UST: variants seen among roughly 807,000 people sequenced by gnomAD.
UST encodes uronyl 2-sulfotransferase, also known as chondroitin sulfate 2-O-sulfotransferase.
A neutral mutation model predicts 45.6 loss-of-function variants in UST; 21 were observed. The observed-to-expected ratio is 0.46, with a 90% CI of 0.33 to 0.66. UST has a LOEUF of 0.66. Ranked by LOEUF, UST falls within the 30% of genes least tolerant of loss-of-function variation. The probability of loss-of-function intolerance (pLI) is 0.02; values close to 1 mark genes in which losing one functional copy is unlikely to be tolerated. For synonymous variants in UST, 215 were observed against 200.6 expected, an observed-to-expected ratio of 1.07 and a Z score of -0.61; for missense variants, 463 against 512.4, an observed-to-expected ratio of 0.90 and a Z score of 0.93.
intron 1 of UST, among the ~76,000 whole-genome samples, chr6:148,819,395 A>G (rs1777414623): frequency 6.6e-6 from 1 of 152,256 alleles, no homozygotes; most frequent in Non-Finnish European, 1.5e-5. Flanking sequence ...TCAGAAAACT[A>G]AGCCCTGTTA....
At chr6:148,794,152 T>C (rs1429021032) in intron 1 of UST, among the ~76,000 whole-genome samples, 2 of 152,226 alleles carry the variant, frequency 1.3e-5, no homozygotes, top group African/African-American at 4.8e-5. Flanking sequence ...TCCTGAATTA[T>C]TTGATGCTGT....
At chr6:149,044,687 G>A (rs374011059) in intron 7 of UST, among the ~76,000 whole-genome samples, 3 of 152,188 alleles carry the variant, frequency 2.0e-5, no homozygotes, top group African/African-American at 7.2e-5. Flanking sequence ...TGTGGCTCCA[G>A]CTTAATACCA....
intron 1 of UST, among the ~76,000 whole-genome samples, chr6:148,769,778 G>A (rs1176626103): frequency 6.6e-6 from 1 of 151,846 alleles, no homozygotes; most frequent in Non-Finnish European, 1.5e-5. Context: ...GTGTGTGTGT[G>A]TGTGTTGTCT....
At chr6:148,927,309 C>T (rs17080004) in intron 2 of UST, among the ~76,000 whole-genome samples, 2,281 of 152,086 alleles carry the variant, frequency 0.015, 82 homozygotes, top group East Asian at 0.13. Flanking sequence ...ATCAGGTTAG[C>T]GTAATTGGTG....
At chr6:148,822,191 G>A (rs952863575) in intron 1 of UST, among the ~76,000 whole-genome samples, 4 of 152,070 alleles carry the variant, frequency 2.6e-5, no homozygotes, top group Non-Finnish European at 4.4e-5. Flanking sequence ...GTGTATACAC[G>A]TGCACACACA....
chr6:148,877,006 TGGG>T (rs66885717), intron 1 of UST, among the ~76,000 whole-genome samples: 1 of 6,292 alleles, frequency 1.6e-4, no homozygotes, highest in Non-Finnish European at 2.8e-4. Context: ...ATATATGAGT[TGGG>T]GGGGGTCATG....
At chr6:148,868,553 T>G (rs891544742) in intron 1 of UST, among the ~76,000 whole-genome samples, 1 of 152,158 alleles carries the variant, frequency 6.6e-6, no homozygotes, top group Non-Finnish European at 1.5e-5. Context: ...CCCAACTCAT[T>G]TTGTTGAAAG....
intron 1 of UST, among the ~76,000 whole-genome samples, chr6:148,821,437 G>C (rs1777464146): frequency 6.6e-6 from 1 of 152,200 alleles, no homozygotes; most frequent in African/African-American, 2.4e-5. Context: ...ATGTTAGCAA[G>C]TACGTGAGGC....
chr6:148,869,175 G>T (rs905132049), intron 1 of UST, among the ~76,000 whole-genome samples: 1 of 152,156 alleles, frequency 6.6e-6, no homozygotes, highest in Non-Finnish European at 1.5e-5. Context: ...TGATGTTAAG[G>T]CACCTATTTG....
chr6:149,031,603 T>C (rs1379751417), intron 7 of UST, among the ~76,000 whole-genome samples: 1 of 152,244 alleles, frequency 6.6e-6, no homozygotes, highest in African/African-American at 2.4e-5. Flanking sequence ...TCCAATTTTA[T>C]TATGAAAGAT....
chr6:148,893,433 A>G (rs1195875834), intron 2 of UST, among the ~76,000 whole-genome samples: 1 of 152,196 alleles, frequency 6.6e-6, no homozygotes, highest in Non-Finnish European at 1.5e-5. Context: ...ACTTAGTCTA[A>G]GGGATCAGGA....
intron 2 of UST, among the ~76,000 whole-genome samples, chr6:148,909,160 A>G (rs1779427999): frequency 6.6e-6 from 1 of 152,170 alleles, no homozygotes; most frequent in Non-Finnish European, 1.5e-5. Context: ...GAATAAGTAT[A>G]TTTTGGTAAA....
At chr6:148,939,423 G>A (rs1416783061) in intron 2 of UST, among the ~76,000 whole-genome samples, 6 of 152,160 alleles carry the variant, frequency 3.9e-5, no homozygotes, top group Non-Finnish European at 8.8e-5. Context: ...CAAAGTTGGA[G>A]GGACTTACCC....
At chr6:148,953,578 C>T (rs1408894782) in intron 3 of UST, among the ~76,000 whole-genome samples, 2 of 152,032 alleles carry the variant, frequency 1.3e-5, no homozygotes, top group Middle Eastern at 3.4e-3. Context: ...GTCAGAAGTT[C>T]GAGACCACGG....
At chr6:148,878,699 G>T (rs1778766458) in intron 1 of UST, among the ~76,000 whole-genome samples, 1 of 148,918 alleles carries the variant, frequency 6.7e-6, no homozygotes, top group Non-Finnish European at 1.5e-5. Context: ...GGTCGTGTGT[G>T]AGTGCGGAGG....
chr6:148,764,971 G>A (rs1257173892), intron 1 of UST, among the ~76,000 whole-genome samples: 1 of 152,142 alleles, frequency 6.6e-6, no homozygotes, highest in Non-Finnish European at 1.5e-5. Flanking sequence ...CACTCCCAGG[G>A]CACCCATTTT....
chr6:149,049,668 C>T (rs1776450403), intron 7 of UST, among the ~76,000 whole-genome samples: 1 of 152,010 alleles, frequency 6.6e-6, no homozygotes, highest in Non-Finnish European at 1.5e-5. Context: ...AATTTTTATC[C>T]CTCTCTCTTC....
chr6:148,889,006 C>G (rs1212924384), intron 2 of UST, among the ~76,000 whole-genome samples: 1 of 152,236 alleles, frequency 6.6e-6, no homozygotes, highest in Non-Finnish European at 1.5e-5. Flanking sequence ...GAATCCAGAG[C>G]TGGAATCTGA....
intron 1 of UST, among the ~76,000 whole-genome samples, chr6:148,776,558 A>G (rs1356862480): frequency 6.6e-6 from 1 of 152,220 alleles, no homozygotes; most frequent in Non-Finnish European, 1.5e-5. Flanking sequence ...GGCATTTTGA[A>G]AAGAGGTAAA....
Sources: allele counts gnomAD v4.1 joint callset (sites outside exome capture counted in the v4.1 genomes callset), GRCh38; gene constraint gnomAD v4.1.1; transcripts MANE v1.5; gene names NCBI Gene and HGNC (gene_info 2026-07-23, HGNC 2026-07-21).